XPR1: variants seen among roughly 807,000 people sequenced by gnomAD.
XPR1 encodes xenotropic and polytropic retrovirus receptor 1, also known as solute carrier family 53 member 1.
Under a neutral mutation model 87.5 loss-of-function variants are expected in XPR1, and 28 were observed. That is an observed-to-expected ratio of 0.32 (90% CI 0.24 to 0.44). XPR1 has a LOEUF of 0.44. XPR1 is among the 20% of genes least tolerant of loss of function. The probability of loss-of-function intolerance (pLI) is 1.00; values close to 1 mark genes in which losing one functional copy is unlikely to be tolerated. For synonymous variants in XPR1, 300 were observed against 306.1 expected (o/e 0.98, Z 0.21); for missense variants, 559 against 862.3 (o/e 0.65, Z 4.41).
At chr1:180,656,382 TTC>T (rs1212840530) in intron 1 of XPR1, among the ~76,000 whole-genome samples, 27 of 101,462 alleles carry the variant, frequency 2.7e-4, no homozygotes, top group African/African-American at 1.0e-3. Context: ...ATATATAATA[TTC>T]ATGTATTTAT....
intron 2 of XPR1, among the ~76,000 whole-genome samples, chr1:180,726,010 G>A (rs1175851424): frequency 6.6e-6 from 1 of 152,222 alleles, no homozygotes; most frequent in African/African-American, 2.4e-5. Context: ...TAGTGGTTCT[G>A]AGAGGTGAAG....
chr1:180,698,674 A>C (rs1232162366), intron 2 of XPR1, among the ~76,000 whole-genome samples: 4 of 152,038 alleles, frequency 2.6e-5, no homozygotes, highest in Admixed American at 2.6e-4. Flanking sequence ...AATTCCCTTA[A>C]GTATTTTAGG....
At chr1:180,839,627 C>T (rs1304754173) in intron 11 of XPR1, among the ~76,000 whole-genome samples, 1 of 152,012 alleles carries the variant, frequency 6.6e-6, no homozygotes, top group East Asian at 1.9e-4. Context: ...ATGAAATTGA[C>T]AACAGATAGA....
At chr1:180,765,400 CA>C (rs1170579508) in intron 2 of XPR1, among the ~76,000 whole-genome samples, 1 of 152,196 alleles carries the variant, frequency 6.6e-6, no homozygotes, top group African/African-American at 2.4e-5. Context: ...GTCAGTTATG[CA>C]AACTATTTTC....
chr1:180,728,272 G>T (rs1272539830), intron 2 of XPR1, among the ~76,000 whole-genome samples: 1 of 136,986 alleles, frequency 7.3e-6, no homozygotes, highest in Admixed American at 7.5e-5. Flanking sequence ...TATGGCGGTA[G>T]TGAGAAAAAG....
At chr1:180,738,768 T>C (rs1658818789) in intron 2 of XPR1, among the ~76,000 whole-genome samples, 1 of 152,210 alleles carries the variant, frequency 6.6e-6, no homozygotes, top group Non-Finnish European at 1.5e-5. Flanking sequence ...AGTGCTTATA[T>C]ATTCTAGATA....
chr1:180,641,133 A>C (rs1654948970), intron 1 of XPR1, among the ~76,000 whole-genome samples: 2 of 152,220 alleles, frequency 1.3e-5, no homozygotes, highest in Non-Finnish European at 2.9e-5. Flanking sequence ...GAGTGACTTC[A>C]GGCAAGTCAG....
chr1:180,667,242 G>A (rs1655994626), intron 1 of XPR1, among the ~76,000 whole-genome samples: 2 of 152,124 alleles, frequency 1.3e-5, no homozygotes, highest in African/African-American at 4.8e-5. Flanking sequence ...TTCATTGTGG[G>A]TTTTTCAGAT....
chr1:180,755,621 A>C (rs1647707772), intron 2 of XPR1, among the ~76,000 whole-genome samples: 1 of 152,190 alleles, frequency 6.6e-6, no homozygotes, highest in African/African-American at 2.4e-5. Flanking sequence ...CCACTTCCAC[A>C]AGCAAACTTC....
intron 3 of XPR1, among the ~76,000 whole-genome samples, chr1:180,795,528 T>A (rs1446508660): frequency 1.3e-5 from 2 of 152,194 alleles, no homozygotes; most frequent in African/African-American, 2.4e-5. Flanking sequence ...TGCTTAGAAA[T>A]ACTGTGTGTA....
chr1:180,649,433 A>AC, intron 1 of XPR1, among the ~76,000 whole-genome samples: 1 of 152,170 alleles, frequency 6.6e-6, no homozygotes, highest in African/African-American at 2.4e-5. Flanking sequence ...TCTGTCTCAA[A>AC]AAAAAACAAA....
At chr1:180,826,461 T>C (rs926945802) in intron 9 of XPR1, among the ~76,000 whole-genome samples, 5 of 151,938 alleles carry the variant, frequency 3.3e-5, no homozygotes, top group African/African-American at 4.8e-5. Flanking sequence ...GGTGAGAGGA[T>C]TGCTTGAGCC....
At chr1:180,669,313 C>T (rs1656074064) in intron 1 of XPR1, among the ~76,000 whole-genome samples, 2 of 151,988 alleles carry the variant, frequency 1.3e-5, no homozygotes, top group South Asian at 2.1e-4. Context: ...CTCTTCAATT[C>T]TGTTAATTTT....
intron 2 of XPR1, among the ~76,000 whole-genome samples, chr1:180,710,778 G>A (rs190232948): frequency 2.0e-5 from 3 of 148,384 alleles, no homozygotes; most frequent in South Asian, 2.2e-4. Context: ...AGGGGTGGCC[G>A]GGCAGAGGCG....
intron 2 of XPR1, among the ~76,000 whole-genome samples, chr1:180,760,623 G>A (rs1204404060): frequency 2.0e-5 from 3 of 152,026 alleles, no homozygotes; most frequent in African/African-American, 4.8e-5. Flanking sequence ...GAGGATACAA[G>A]CAAATGGAAG....
chr1:180,658,551 G>A (rs1489596712), intron 1 of XPR1, among the ~76,000 whole-genome samples: 1 of 151,934 alleles, frequency 6.6e-6, no homozygotes, highest in Non-Finnish European at 1.5e-5. Context: ...GTGATCATAT[G>A]GTTTTTTTTT....
At chr1:180,687,191 A>G (rs1400614260) in intron 2 of XPR1, among the ~76,000 whole-genome samples, 1 of 152,140 alleles carries the variant, frequency 6.6e-6, no homozygotes, top group Non-Finnish European at 1.5e-5. Flanking sequence ...TCTGTTTGTA[A>G]CAAAGATACT....
At chr1:180,852,422 C>T (rs1212181783) in intron 11 of XPR1, among the ~76,000 whole-genome samples, 3 of 151,860 alleles carry the variant, frequency 2.0e-5, no homozygotes, top group Non-Finnish European at 4.4e-5. Flanking sequence ...GCCTTTTTTG[C>T]ACAGTATTCC....
At chr1:180,803,332 G>T in intron 3 of XPR1, 56 bp from the exon 4 acceptor site, 1 of 1,507,278 alleles carries the variant, frequency 6.6e-7, no homozygotes, top group Non-Finnish European at 9.0e-7. Flanking sequence ...AAATTCAGAA[G>T]TCAGTAGGAA....
Sources: allele counts gnomAD v4.1 joint callset (sites outside exome capture counted in the v4.1 genomes callset), GRCh38; gene constraint gnomAD v4.1.1; transcripts MANE v1.5; gene names NCBI Gene and HGNC (gene_info 2026-07-23, HGNC 2026-07-21).